Variants in APBA2 observed in about 807,000 individuals in gnomAD.
APBA2 encodes the protein amyloid beta precursor protein binding family A member 2.
A neutral mutation model predicts 75.0 loss-of-function variants in APBA2; 30 were observed. The ratio of observed to expected loss-of-function variants is 0.40; its 90% CI spans 0.30 to 0.54. APBA2 has a LOEUF of 0.54. Among genes scored for constraint, APBA2 ranks in the 20% least tolerant of loss-of-function variants. APBA2 has a pLI of 0.49. For missense variants in APBA2, 801 were observed against 1,016.1 expected (o/e 0.79, Z 2.88); for synonymous variants, 444 against 409.6 (o/e 1.08, Z -1.01).
chr15:28,888,047 C>T (rs369598184), intron 1 of APBA2, among the ~76,000 whole-genome samples: 2 of 152,192 alleles, frequency 1.3e-5, no homozygotes, highest in Non-Finnish European at 2.9e-5. Flanking sequence ...GCTCCTCATT[C>T]TCTTCCACCT....
intron 2 of APBA2, among the ~76,000 whole-genome samples, chr15:28,960,882 C>A (rs1185356160): frequency 1.3e-5 from 2 of 151,892 alleles, no homozygotes; most frequent in African/African-American, 4.8e-5. Context: ...GCCTCAGCCT[C>A]CCGAGTAGCT....
At chr15:29,077,121 TA>T (rs1438826443) in intron 6 of APBA2, among the ~76,000 whole-genome samples, 3 of 152,248 alleles carry the variant, frequency 2.0e-5, no homozygotes, top group Non-Finnish European at 4.4e-5. Flanking sequence ...TCAGATAGGC[TA>T]AAATGGGTTT....
intron 4 of APBA2, chr15:29,071,006 A>G (rs1235681260): frequency 2.2e-6 from 1 of 451,206 alleles, no homozygotes; most frequent in Non-Finnish European, 4.4e-6. Flanking sequence ...CTTTCCACTG[A>G]TGCCCTCTAT....
chr15:28,901,718 G>T (rs2032865449), intron 1 of APBA2, among the ~76,000 whole-genome samples: 1 of 152,126 alleles, frequency 6.6e-6, no homozygotes, highest in African/African-American at 2.4e-5. Flanking sequence ...TGATGTGGGA[G>T]CTGGACTGTG....
At chr15:28,941,308 G>A (rs1272583830) in intron 2 of APBA2, among the ~76,000 whole-genome samples, 1 of 152,126 alleles carries the variant, frequency 6.6e-6, no homozygotes, top group African/African-American at 2.4e-5. Flanking sequence ...GGGAGGAAGA[G>A]CCACACTGCC....
At chr15:29,041,520 A>G (rs1274855795) in intron 3 of APBA2, among the ~76,000 whole-genome samples, 1 of 151,652 alleles carries the variant, frequency 6.6e-6, no homozygotes, top group Non-Finnish European at 1.5e-5. Flanking sequence ...AAAAAAAGGT[A>G]TCATTTACAA....
At chr15:28,960,829 G>A (rs1043002224) in intron 2 of APBA2, among the ~76,000 whole-genome samples, 13 of 148,212 alleles carry the variant, frequency 8.8e-5, no homozygotes, top group African/African-American at 2.5e-4. Flanking sequence ...GTGTGATCTC[G>A]GCTCGCCGCA....
chr15:28,960,008 G>C (rs989429203), intron 2 of APBA2, among the ~76,000 whole-genome samples: 1 of 152,124 alleles, frequency 6.6e-6, no homozygotes, highest in African/African-American at 2.4e-5. Context: ...AGCTGGGCCT[G>C]GTGGCAGTTG....
In APBA2 at chr15:29,046,374, C is replaced by G. The variant is rs553774359; in HGVS notation, c.-40-7471C>G. ...GAATTATCTGCTGTGCTCTGAATAG[C>G]CCCGTCCTGCCAGGCCACCCACCTT... On this transcript the variant is annotated intron_variant, in intron 3 of 14. Coordinates refer to ENST00000683413, the MANE Select transcript of APBA2 (RefSeq NM_001353788.2). This position sits in a 1 kb window ranked among gnomAD's most constrained non-coding sequence, Gnocchi z 5.0. 6.6e-6 allele frequency among the ~76,000 whole-genome samples: 1 copy of G among 152,196 alleles called. No homozygotes were observed. Among genetic ancestry groups the G allele is most frequent in the South Asian group, 2.1e-4 (1 of 4,826 alleles).
chr15:29,116,354 C>T (rs2336946), intron 14 of APBA2, among the ~76,000 whole-genome samples: 125,306 of 151,778 alleles, frequency 0.83, 52,404 homozygotes, highest in Middle Eastern at 0.93. Context: ...AGGCCGGGCG[C>T]GGTGGCTCAG....
intron 3 of APBA2, among the ~76,000 whole-genome samples, chr15:29,029,058 C>T (rs71500748): frequency 3.3e-5 from 5 of 151,970 alleles, no homozygotes; most frequent in African/African-American, 9.7e-5. Flanking sequence ...TTGCTTTTGG[C>T]GATTTCATAA....
At chr15:29,005,032 C>T (rs889221753) in intron 3 of APBA2, among the ~76,000 whole-genome samples, 33 of 152,054 alleles carry the variant, frequency 2.2e-4, no homozygotes, top group African/African-American at 7.7e-4. Context: ...GTGGATCCTG[C>T]GATTTTGTGT....
chr15:28,951,821 T>TCCATCTG (rs2035891757), intron 2 of APBA2, among the ~76,000 whole-genome samples: 1 of 148,906 alleles, frequency 6.7e-6, no homozygotes, highest in African/African-American at 2.5e-5. Context: ...GACCTCATGA[T>TCCATCTG]CCATCCGCCT....
Position 28,918,117 on chromosome 15 carries a change from C to T in APBA2, c.-204-3523C>T, listed in dbSNP as rs2033771890. Among the ~76,000 whole-genome samples the T allele has an allele frequency of 1.3e-5, 2 of 152,292 alleles. No homozygotes were observed. The highest frequency in any genetic ancestry group is 3.4e-3 in the Middle Eastern group (1 of 294). On this transcript the variant is annotated intron_variant, in intron 1 of 14. Transcript: ENST00000683413. This position sits in a 1 kb window ranked among gnomAD's most constrained non-coding sequence, Gnocchi z 4.2. ...GCTGAGCACTTGGGAGGCATAGGCT[C>T]GGCGGGAAGGGAAGGCCTGCAGGCT...
chr15:29,021,524 A>G (rs1338345527), intron 3 of APBA2, among the ~76,000 whole-genome samples: 1 of 152,170 alleles, frequency 6.6e-6, no homozygotes, highest in Admixed American at 6.5e-5. Flanking sequence ...TTAATGTACA[A>G]CTTTGTGAGT....
chr15:29,054,313 C>G lies in APBA2; in HGVS notation c.429C>G (p.Asp143Glu). 1 of 1,614,088 alleles carries G rather than the reference C, an allele frequency of 6.2e-7. No individual in the cohort carries two copies. The highest frequency in any genetic ancestry group is 8.5e-7 in the Non-Finnish European group (1 of 1,180,024). ...AGGAGGCGGTGGAGGAGTGGACGGA[C>G]TCGGCGGGCCCGCACCCCCACGGCC... is the stretch of plus-strand genomic sequence containing the variant. ...ECQEAVEEWT[D>E]SAGPHPHGHE... Residue 143 changes from aspartate (D) to glutamate (E), a missense_variant, in exon 4 of 15, where the codon GAC becomes GAG. Physicochemically the swap from Asp to Glu is conservative, Grantham distance 45. This residue lies in a region of APBA2 where 434 missense variants were observed against 471.6 expected (regional missense o/e 0.92). Coordinates refer to ENST00000683413, the MANE Select transcript of APBA2 (RefSeq NM_001353788.2). The surrounding 1 kb of genome is among the most constrained non-coding windows in gnomAD (Gnocchi z 6.1).
chr15:29,070,220 A>G (rs1000491430), intron 4 of APBA2, among the ~76,000 whole-genome samples: 1 of 152,348 alleles, frequency 6.6e-6, no homozygotes, highest in South Asian at 2.1e-4. Flanking sequence ...AAAAATGGTT[A>G]AGATAGTATA....
Position 29,054,930 on chromosome 15 carries a change from G to T in APBA2, c.951+95G>T. The T allele has an allele frequency of 8.1e-7, 1 of 1,233,478 alleles. No individual in the cohort carries two copies. Among genetic ancestry groups the T allele is most frequent in the Non-Finnish European group, 1.1e-6 (1 of 873,456 alleles). The allele number at this position is 1,233,478 out of a possible 1,614,324, so 76.4% of individuals were successfully genotyped here. A position where few individuals can be genotyped will look rare whatever the true frequency, so the allele number is the denominator to read the frequency against. On this transcript the variant is annotated intron_variant, in intron 4 of 14. Transcript: ENST00000683413. The surrounding 1 kb of genome is among the most constrained non-coding windows in gnomAD (Gnocchi z 6.1). Reference sequence around the variant, plus strand: ...TTGCAGATGCTGAAGCGAGGCGGTGGGGGGTGCTGGGTGCCTCACAGTTCT... The same window carrying T: ...TTGCAGATGCTGAAGCGAGGCGGTGTGGGGTGCTGGGTGCCTCACAGTTCT...
intron 2 of APBA2, among the ~76,000 whole-genome samples, chr15:28,952,455 C>T (rs184485673): frequency 6.6e-6 from 1 of 152,200 alleles, no homozygotes; most frequent in Non-Finnish European, 1.5e-5. Context: ...TCACTTGAGC[C>T]TGGGAAGTTG....
Sources: gnomAD v4.1 joint callset for allele counts (sites outside exome capture counted in the v4.1 genomes callset) on GRCh38, gnomAD v4.1.1 for gene constraint, gnomAD v4.1.1 regional missense constraint, Gnocchi (gnomAD v3.1) non-coding constraint, MANE v1.5 for transcripts, NCBI Gene and HGNC (gene_info 2026-07-23, HGNC 2026-07-21) for gene names.